Variants in DENND3 observed in about 807,000 individuals in gnomAD.
DENND3 encodes the protein DENN domain-containing protein 3.
In DENND3, 88 loss-of-function variants were observed where a neutral mutation model predicts 135.1. That is an observed-to-expected ratio of 0.65 (90% confidence interval 0.55 to 0.78). The LOEUF (loss-of-function observed/expected upper bound fraction) is 0.78, where lower values mean the gene tolerates loss of function less well. Among genes scored for constraint, DENND3 ranks in the 30% least tolerant of loss-of-function variants. DENND3 has a pLI of 0.00. For synonymous variants in DENND3, 693 were observed against 712.3 expected (o/e 0.97, Z 0.43); for missense variants, 1,392 against 1,688.4 (o/e 0.82, Z 3.08).
In DENND3 at chr8:141,143,157, A is replaced by G. The variant is rs1430986082; in HGVS notation, c.624-991A>G. The G allele has an allele frequency of 2.6e-5, 4 of 152,344 alleles. No individual in the cohort carries two copies. In the East Asian group the frequency reaches 7.7e-4, roughly 29 times the overall value. 9.4% of individuals were successfully genotyped at this position (152,344 alleles called of 1,614,324 possible). The stretch of plus-strand genomic sequence containing the variant: ...TATGACAACACGAATTTGTAGTTTT[A>G]AAAAAATCGGTTCTGTTAGTGTGAT... On this transcript the variant is annotated intron_variant, in intron 4 of 22. Coordinates refer to ENST00000519811, the MANE Select transcript of DENND3 (RefSeq NM_001352890.3).
rs772065414 is a variant in DENND3 at position 141,180,810 on chromosome 8, G to C, written c.2900G>C (p.Gly967Ala). Residue 967 changes from glycine to alanine, a missense_variant, in exon 17 of 23, where the codon GGG (glycine) becomes GCG (alanine). Physicochemically the swap from Gly to Ala is moderately conservative, Grantham distance 60. Transcript: ENST00000519811. ...AAGCATAAAATCAACCCCTCGGCGG[G>C]GGAGGCGTTCCCACAAGCGGTGGAC... ...TLKHKINPSA[G>A]EAFPQAVDVL... 18 of 1,613,334 alleles carry C rather than the reference G, an allele frequency of 1.1e-5. No individual in the cohort carries two copies. The East Asian group carries it at 2.2e-4, about 20-fold the overall frequency.
chr8:141,128,675 G>A lies in DENND3; in HGVS notation c.-33G>A. 2 of 1,318,394 alleles carry A rather than the reference G, an allele frequency of 1.5e-6. No individual in the cohort carries two copies. Among genetic ancestry groups the A allele is most frequent in the Non-Finnish European group, 1.9e-6 (2 of 1,030,168 alleles). 81.7% of individuals were successfully genotyped at this position (1,318,394 alleles called of 1,614,324 possible). On this transcript the variant is annotated 5_prime_UTR_variant, in exon 1 of 23. Coordinates refer to ENST00000519811, the MANE Select transcript of DENND3 (RefSeq NM_001352890.3). The surrounding 1 kb of genome is among the most constrained non-coding windows in gnomAD (Gnocchi z 4.5). ...GGGCGACTGCGCGGCTGAGGCGCCC[G>A]AGTGCGGTACTGGCGGCGGGCGGCG...
At chr8:141,149,976 T>TC (rs34467193) in intron 5 of DENND3, among the ~76,000 whole-genome samples, 1 of 152,120 alleles carries the variant, frequency 6.6e-6, no homozygotes. Context: ...ACCTGTTTTC[T>TC]CCCCCCGGCT....
In DENND3 at chr8:141,194,558, A is replaced by G. The variant is rs1474173994; in HGVS notation, c.*325A>G. ...CTGGAATCCACAACCAGGGGCTGGC[A>G]CTGGAGCCAGCAGCTTGGCCGAGTC... On this transcript the variant is annotated 3_prime_UTR_variant, in exon 23 of 23. Transcript: ENST00000519811. 13 of 338,608 alleles carry G rather than the reference A, an allele frequency of 3.8e-5. No homozygotes were observed. Among genetic ancestry groups the G allele is most frequent in the Non-Finnish European group, 5.6e-5 (10 of 178,300 alleles). 21.0% of individuals were successfully genotyped at this position (338,608 alleles called of 1,614,324 possible).
intron 1 of DENND3, among the ~76,000 whole-genome samples, chr8:141,133,024 CT>C (rs1223559765): frequency 6.6e-6 from 1 of 152,210 alleles, no homozygotes; most frequent in African/African-American, 2.4e-5. Context: ...TAAAATACCA[CT>C]GGGCAGGGCC....
At chr8:141,158,039 C>T (rs1016941877) in intron 8 of DENND3, 77 of 1,187,500 alleles carry the variant, frequency 6.5e-5, no homozygotes, top group Middle Eastern at 3.7e-4. Flanking sequence ...AGATTACAGG[C>T]GTGAGCCACC....
At chr8:141,193,897 T>G (rs1053362306) in intron 22 of DENND3, 136 bp from the exon 23 acceptor site, 4 of 1,000,788 alleles carry the variant, frequency 4.0e-6, no homozygotes, top group Admixed American at 2.3e-5. Context: ...GCCCTGACCC[T>G]CAGGCGGCAG....
At chr8:141,184,158 A>G (rs1823576600) in intron 17 of DENND3, among the ~76,000 whole-genome samples, 1 of 152,234 alleles carries the variant, frequency 6.6e-6, no homozygotes, top group Non-Finnish European at 1.5e-5. Flanking sequence ...TGAGAGGGTG[A>G]AAATGTAAGC....
At chr8:141,157,016 T>A (rs1819525391) in intron 8 of DENND3, among the ~76,000 whole-genome samples, 1 of 152,036 alleles carries the variant, frequency 6.6e-6, no homozygotes, top group South Asian at 2.1e-4. Context: ...ACTCCTGACC[T>A]TGTAATCTGC....
chr8:141,141,402 G>A lies in DENND3; in HGVS notation c.623+78G>A. On this transcript the variant is annotated intron_variant, in intron 4 of 22. Transcript: ENST00000519811. The surrounding 1 kb of genome is among the most constrained non-coding windows in gnomAD (Gnocchi z 5.3). ...CTCCAGGTGAGCCAAGGGACCAGGG[G>A]GCTGGAGGTGGTGGGGGGGCAGCTC... 1.3e-6 allele frequency: 2 copies of A among 1,550,914 alleles called. No homozygotes were observed. Among genetic ancestry groups the A allele is most frequent in the Non-Finnish European group, 1.8e-6 (2 of 1,139,222 alleles).
chr8:141,150,933 A>C lies in DENND3; in HGVS notation c.835A>C (p.Arg279=), dbSNP rs441914. 218,358 of 1,596,504 alleles carry C rather than the reference A, an allele frequency of 0.14. 21,748 individuals carry two copies. The highest frequency in any genetic ancestry group is 0.45 in the East Asian group (19,672 of 43,916). ...CCTTCACCTGCCCTTGCTGTGCTTC[A>C]GGCCTGAGAAGGTGCTACAGGTACG... ...LDLHLPLLCF[R]PEKVLQILTC... Residue 279 remains arginine (R), a synonymous_variant, in exon 6 of 23, where the codon AGG becomes CGG. Transcript: ENST00000519811.
At position 141,168,457 on chromosome 8, in the gene DENND3, G is replaced by A. The variant is rs753853397; in HGVS notation, c.2207G>A (p.Arg736Gln). The stretch of plus-strand genomic sequence containing the variant: ...ATGCAGCTGGGCGACTTCATGAAGC[G>A]GGTCCAGGAGTCAGGGATCGTGAAG... ...KHMQLGDFMK[R>Q]VQESGIVKDA... The change falls in exon 13 of 23, where the codon CGG (arginine) becomes CAG (glutamine). Residue 736 changes from arginine (R) to glutamine (Q), a missense_variant. Arg to Gln is a conservative substitution (Grantham distance 43). Coordinates refer to ENST00000519811, the MANE Select transcript of DENND3 (RefSeq NM_001352890.3). This position sits in a 1 kb window ranked among gnomAD's most constrained non-coding sequence, Gnocchi z 6.2. 6.2e-6 allele frequency: 10 copies of A among 1,613,718 alleles called. No individual in the cohort carries two copies. The East Asian group carries it at 6.7e-5, about 11-fold the overall frequency.
At chr8:141,150,223 C>G in intron 5 of DENND3, 7 of 913,478 alleles carry the variant, frequency 7.7e-6, no homozygotes, top group Admixed American at 3.9e-5. Flanking sequence ...CATTTCCTGG[C>G]AGGCTCAGAA....
intron 16 of DENND3, 152 bp downstream of exon 16, chr8:141,178,348 C>CT: frequency 8.3e-7 from 1 of 1,203,632 alleles, no homozygotes; most frequent in Non-Finnish European, 1.1e-6. Flanking sequence ...AGTCGCACAC[C>CT]TTATCCGGCA....
At chr8:141,163,674 G>C (rs920094992) in intron 10 of DENND3, among the ~76,000 whole-genome samples, 17 of 152,000 alleles carry the variant, frequency 1.1e-4, no homozygotes, top group African/African-American at 4.1e-4. Flanking sequence ...TTGGGAGGCC[G>C]AGGCGGGCAG....
Position 141,190,365 on chromosome 8 carries a change from G to A in DENND3, c.3327G>A (p.Leu1109=), listed in dbSNP as rs2154613564. 6.2e-7 allele frequency: 1 copy of A among 1,613,244 alleles called. No individual in the cohort carries two copies. Among genetic ancestry groups the A allele is most frequent in the South Asian group, 1.1e-5 (1 of 90,898 alleles). ...TGCAGGTGACCAGCCGCTTCCAGCT[G>A]CCGCGAGGTGGCCTGACGTCCATCA... ...STLQVTSRFQ[L]PRGGLTSIRL... is the part of the protein sequence containing the mutation. Residue 1109 remains leucine, a synonymous_variant, in exon 20 of 23, where the codon CTG becomes CTA. Transcript: ENST00000519811.
chr8:141,190,321 G>A lies in DENND3; in HGVS notation c.3283G>A (p.Val1095Met), dbSNP rs1384273727. ...YSCSMDGMVL[V>M]WNVSTLQVTS... ...GTGCAGCATGGACGGCATGGTGCTG[G>A]TGTGGAATGTGAGCACACTGCAGGT... Residue 1095 changes from valine (V) to methionine (M), a missense_variant, in exon 20 of 23, where the codon GTG (valine) becomes ATG (methionine). Transcript: ENST00000519811. 4 of 1,613,154 alleles carry A rather than the reference G, an allele frequency of 2.5e-6. No individual in the cohort carries two copies.
chr8:141,151,727 T>C lies in DENND3; in HGVS notation c.964T>C (p.Trp322Arg), dbSNP rs2154612943. The C allele has an allele frequency of 6.2e-7, 1 of 1,614,216 alleles. No homozygotes were observed. The highest frequency in any genetic ancestry group is 8.5e-7 in the Non-Finnish European group (1 of 1,180,042). The change falls in exon 7 of 23, where the codon TGG becomes CGG. Residue 322 changes from tryptophan (W) to arginine (R), a missense_variant. Coordinates refer to ENST00000519811, the MANE Select transcript of DENND3 (RefSeq NM_001352890.3). ...CATGGCCTACCTGTATCCGCTGCAG[T>C]GGCAGCACCCCTTCGTGCCCATCCT... Reference protein sequence around the residue: ...CFMAYLYPLQWQHPFVPILSD... With the variant: ...CFMAYLYPLQRQHPFVPILSD...
intron 10 of DENND3, among the ~76,000 whole-genome samples, chr8:141,164,097 T>A (rs1820471006): frequency 6.6e-6 from 1 of 152,130 alleles, no homozygotes; most frequent in Admixed American, 6.5e-5. Context: ...TGCATCCCCG[T>A]AGACGGCTGG....
Sources: allele counts gnomAD v4.1 joint callset (sites outside exome capture counted in the v4.1 genomes callset), GRCh38; gene constraint gnomAD v4.1.1; non-coding constraint Gnocchi (gnomAD v3.1); transcripts MANE v1.5; gene names NCBI Gene and HGNC (gene_info 2026-07-23, HGNC 2026-07-21).